Variants in MACROD2 observed in about 807,000 individuals in gnomAD.
MACROD2 encodes ADP-ribose glycohydrolase MACROD2.
A neutral mutation model predicts 70.4 loss-of-function variants in MACROD2; 36 were observed. The observed-to-expected ratio is 0.51, with a 90% CI of 0.39 to 0.68. MACROD2 has a LOEUF of 0.68. Among genes scored for constraint, MACROD2 ranks in the 30% least tolerant of loss-of-function variants. MACROD2 has a pLI of 0.00. For synonymous variants in MACROD2, 172 were observed against 178.8 expected (o/e 0.96, Z 0.30); for missense variants, 496 against 538.4 (o/e 0.92, Z 0.78).
chr20:15,793,886 C>T (rs2063648725), intron 8 of MACROD2, among the ~76,000 whole-genome samples: 1 of 145,938 alleles, frequency 6.9e-6, no homozygotes, highest in Non-Finnish European at 1.5e-5. Context: ...TGGGGATTTA[C>T]ATTATTTTAT....
At chr20:14,840,899 C>CTAG (rs2073080317) in intron 5 of MACROD2, among the ~76,000 whole-genome samples, 1 of 152,032 alleles carries the variant, frequency 6.6e-6, no homozygotes, top group Non-Finnish European at 1.5e-5. Context: ...GGACACTGCA[C>CTAG]TCTGAAATAA....
intron 5 of MACROD2, among the ~76,000 whole-genome samples, chr20:14,768,946 A>G (rs2072129071): frequency 6.6e-6 from 1 of 152,126 alleles, no homozygotes; most frequent in Admixed American, 6.5e-5. Context: ...TTGAAACTCA[A>G]GAAAAGGATA....
At chr20:14,018,343 G>T (rs1381730637) in intron 2 of MACROD2, among the ~76,000 whole-genome samples, 2 of 150,614 alleles carry the variant, frequency 1.3e-5, no homozygotes, top group Non-Finnish European at 3.0e-5. Context: ...TTGTTCTTAA[G>T]TTCCTTAGGT....
At chr20:15,796,607 C>T (rs1400571015) in intron 8 of MACROD2, among the ~76,000 whole-genome samples, 3 of 152,136 alleles carry the variant, frequency 2.0e-5, no homozygotes, top group East Asian at 1.9e-4. Flanking sequence ...CTTAGTCTTC[C>T]CCTCTGAGAA....
At chr20:14,077,859 GGTCT>G (rs1023466153) in intron 2 of MACROD2, among the ~76,000 whole-genome samples, 5 of 149,922 alleles carry the variant, frequency 3.3e-5, no homozygotes, top group Admixed American at 6.6e-5. Flanking sequence ...TTGGAATATT[GGTCT>G]GTTCTTAGTA....
rs567442158 is a variant in MACROD2, at chr20:15,976,046, C to T, written c.985+8416C>T. Among the ~76,000 whole-genome samples, 31 of 152,276 alleles carry T rather than the reference C, an allele frequency of 2.0e-4. 3 individuals carry two copies. The highest frequency in any genetic ancestry group is 6.8e-3 in the Middle Eastern group (2 of 294). ...ATTTACATGATTTCTTCAACACAAG[C>T]ATCAAAGAAACAGTCTTTGTTCTTA... On this transcript the variant is annotated intron_variant, in intron 13 of 17. Transcript: ENST00000684519.
intron 5 of MACROD2, among the ~76,000 whole-genome samples, chr20:15,141,774 T>C (rs2145847902): frequency 6.6e-6 from 1 of 152,328 alleles, no homozygotes; most frequent in African/African-American, 2.4e-5. Flanking sequence ...TATTTCAGTT[T>C]CCCAGAAACT....
At chr20:14,853,869 A>G (rs1403176158) in intron 5 of MACROD2, among the ~76,000 whole-genome samples, 1 of 152,120 alleles carries the variant, frequency 6.6e-6, no homozygotes, top group Non-Finnish European at 1.5e-5. Context: ...ACAAGAATTT[A>G]ATGAGTAATA....
intron 4 of MACROD2, chr20:14,626,773 C>T (rs1456742484): frequency 6.6e-6 from 1 of 152,182 alleles, no homozygotes; most frequent in Non-Finnish European, 1.5e-5. Flanking sequence ...ATTTTTGGCA[C>T]CCAGCTGATC....
chr20:15,754,961 C>T (rs778725583), intron 8 of MACROD2, among the ~76,000 whole-genome samples: 2 of 151,726 alleles, frequency 1.3e-5, no homozygotes, highest in Admixed American at 6.6e-5. Context: ...CAGGTTTAAG[C>T]GATTCTCCTA....
intron 3 of MACROD2, among the ~76,000 whole-genome samples, chr20:14,198,431 G>A (rs1017396519): frequency 6.6e-6 from 1 of 152,140 alleles, no homozygotes; most frequent in Non-Finnish European, 1.5e-5. Flanking sequence ...TATTAGTCCA[G>A]AGCCAATGTA....
At chr20:14,650,865 G>A (rs1470930804) in intron 4 of MACROD2, among the ~76,000 whole-genome samples, 1 of 152,148 alleles carries the variant, frequency 6.6e-6, no homozygotes, top group Non-Finnish European at 1.5e-5. Flanking sequence ...ATGTCATTTG[G>A]TCTATGATAA....
chr20:14,336,905 C>G (rs1239873034), intron 3 of MACROD2, among the ~76,000 whole-genome samples: 1 of 152,184 alleles, frequency 6.6e-6, no homozygotes, highest in Admixed American at 6.5e-5. Flanking sequence ...TTTACAGAGG[C>G]ACATAAGTCT....
intron 3 of MACROD2, among the ~76,000 whole-genome samples, chr20:14,159,866 A>C (rs1433260839): frequency 6.6e-6 from 1 of 152,094 alleles, no homozygotes; most frequent in Non-Finnish European, 1.5e-5. Flanking sequence ...TGTTTGTCAT[A>C]TATGGGCTTT....
At chr20:14,536,074 TA>T (rs1568659116) in intron 4 of MACROD2, among the ~76,000 whole-genome samples, 1 of 152,164 alleles carries the variant, frequency 6.6e-6, no homozygotes, top group African/African-American at 2.4e-5. Flanking sequence ...CTCTTAGAAG[TA>T]AAATCATTTG....
chr20:15,371,221 G>A (rs187511111), intron 6 of MACROD2, among the ~76,000 whole-genome samples: 1 of 152,110 alleles, frequency 6.6e-6, no homozygotes, highest in Non-Finnish European at 1.5e-5. Flanking sequence ...GAATAAGATA[G>A]TTTGATGATT....
chr20:14,049,184 A>C (rs1240545321), intron 2 of MACROD2, among the ~76,000 whole-genome samples: 1 of 29,248 alleles, frequency 3.4e-5, no homozygotes, highest in African/African-American at 7.6e-5. Context: ...TAAAAAAAAA[A>C]AAAAACAAAA....
chr20:14,263,359 G>T (rs925945111), intron 3 of MACROD2, among the ~76,000 whole-genome samples: 1 of 152,152 alleles, frequency 6.6e-6, no homozygotes, highest in Non-Finnish European at 1.5e-5. Context: ...GGACAAAAAA[G>T]GAGGTAGCAT....
chr20:15,904,432 G>T (rs933836642), intron 10 of MACROD2, among the ~76,000 whole-genome samples: 5 of 152,008 alleles, frequency 3.3e-5, no homozygotes, highest in Non-Finnish European at 7.4e-5. Context: ...TGAGTAAAAA[G>T]ATTATTTTAT....
Sources: gnomAD v4.1 joint callset for allele counts (sites outside exome capture counted in the v4.1 genomes callset) on GRCh38, gnomAD v4.1.1 for gene constraint, MANE v1.5 for transcripts, NCBI Gene and HGNC (gene_info 2026-07-23, HGNC 2026-07-21) for gene names.